The following ZNF107 variants were observed in gnomAD, a reference collection of about 807,000 sequenced individuals.
The protein encoded by ZNF107 is C2H2 type zinc-finger protein.
In ZNF107, 19 loss-of-function variants were observed where a neutral mutation model predicts 12.3. The ratio of observed to expected loss-of-function variants is 1.55; its 90% confidence interval spans 1.08 to 2.27. The LOEUF is 2.27. ZNF107 is among the 30% of genes most tolerant of loss of function. The pLI is 0.00. For synonymous variants in ZNF107, 317 were observed against 330.5 expected, an observed-to-expected ratio of 0.96 and a Z score of 0.44; for missense variants, 958 against 979.9, an observed-to-expected ratio of 0.98 and a Z score of 0.30.
intron 3 of ZNF107, among the ~76,000 whole-genome samples, chr7:64,694,893 A>G (rs1790235440): frequency 6.6e-6 from 1 of 152,180 alleles, no homozygotes; most frequent in Admixed American, 6.5e-5. Context: ...GATAATTAGT[A>G]GGCATTCTAT....
At chr7:64,689,218 C>T (rs567927904) in intron 1 of ZNF107, 1 of 152,286 alleles carries the variant, frequency 6.6e-6, no homozygotes, top group Admixed American at 6.5e-5. Flanking sequence ...AATGCAGAGG[C>T]AGGCTGCTCC....
chr7:64,681,411 CT>C (rs1789667934), intron 1 of ZNF107, among the ~76,000 whole-genome samples: 1 of 152,032 alleles, frequency 6.6e-6, no homozygotes, highest in African/African-American at 2.4e-5. Flanking sequence ...GTCATCCCCA[CT>C]TGTCCAGTCC....
intron 3 of ZNF107, among the ~76,000 whole-genome samples, chr7:64,695,082 T>C (rs1228036570): frequency 2.0e-5 from 3 of 151,884 alleles, no homozygotes; most frequent in Non-Finnish European, 4.4e-5. Context: ...CTTACACATA[T>C]AAATATATAT....
chr7:64,691,223 ATG>A, intron 1 of ZNF107, 23 bp from the exon 2 acceptor site: 18 of 1,443,530 alleles, frequency 1.2e-5, no homozygotes, highest in Admixed American at 4.7e-5. Flanking sequence ...TGCTTGGTAA[ATG>A]TGTGTGTGTT....
intron 1 of ZNF107, among the ~76,000 whole-genome samples, chr7:64,668,777 G>C (rs1562820393): frequency 6.6e-6 from 1 of 151,814 alleles, no homozygotes; most frequent in East Asian, 1.9e-4. Context: ...GTATTCCAAG[G>C]CTTAGTTTTT....
chr7:64,681,871 C>T (rs778380689), intron 1 of ZNF107, among the ~76,000 whole-genome samples: 2 of 152,052 alleles, frequency 1.3e-5, no homozygotes, highest in African/African-American at 2.4e-5. Context: ...TCCAGAATAC[C>T]TCCCACCACT....
chr7:64,697,675 T>A (rs933193817), intron 3 of ZNF107, among the ~76,000 whole-genome samples: 1 of 150,378 alleles, frequency 6.6e-6, no homozygotes, highest in Non-Finnish European at 1.5e-5. Context: ...TATTTTTAAT[T>A]ATTTTAGAAA....
chr7:64,711,281 A>T lies in ZNF107; in HGVS notation c.*2625A>T, dbSNP rs1261299795. 1 of 152,166 alleles carries T rather than the reference A, an allele frequency of 6.6e-6. No individual in the cohort carries two copies. Among genetic ancestry groups the T allele is most frequent in the East Asian group, 1.9e-4 (1 of 5,196 alleles). The allele number at this position is 152,166 out of a possible 1,614,324, so 9.4% of individuals were successfully genotyped here. A position where few individuals can be genotyped will look rare whatever the true frequency, so the allele number is the denominator to read the frequency against. ...CATAGGTTAGATTTTTATTCTTTTT[A>T]AAATTTAAACTTATTTCTCTTAATT... On this transcript the variant is annotated 3_prime_UTR_variant, in exon 4 of 4. Coordinates refer to ENST00000620827, the MANE Select transcript of ZNF107 (RefSeq NM_001282359.2).
intron 1 of ZNF107, among the ~76,000 whole-genome samples, chr7:64,669,531 C>T (rs541125736): frequency 1.9e-3 from 285 of 152,272 alleles, no homozygotes; most frequent in Non-Finnish European, 1.6e-3. Context: ...CAGTGGCTCA[C>T]GCCTGTAATC....
rs1328981412 is a variant in ZNF107, at chr7:64,711,111, A to T, written c.*2455A>T. The T allele has an allele frequency of 6.6e-6, 1 of 152,144 alleles. No individual in the cohort carries two copies. Among genetic ancestry groups the T allele is most frequent in the Non-Finnish European group, 1.5e-5 (1 of 67,992 alleles). The allele number at this position is 152,144 out of a possible 1,614,324, so 9.4% of individuals were successfully genotyped here. ...ATTGTGCATTCAATGAAGTGTTTTC[A>T]TGCCACTGACTTTACCTATCCCACA... is the stretch of plus-strand genomic sequence containing the variant. On this transcript the variant is annotated 3_prime_UTR_variant, in exon 4 of 4. Coordinates refer to ENST00000620827, the MANE Select transcript of ZNF107 (RefSeq NM_001282359.2).
intron 3 of ZNF107, among the ~76,000 whole-genome samples, chr7:64,700,039 C>T (rs1381321446): frequency 8.7e-6 from 1 of 114,344 alleles, no homozygotes; most frequent in Non-Finnish European, 1.6e-5. Context: ...CGCGGCTGGG[C>T]GACAGAGTGA....
rs150818424 is a variant in ZNF107 at position 64,673,837 on chromosome 7, G to C, written c.3+7552G>C. Among the ~76,000 whole-genome samples, 546 of 152,276 alleles carry C rather than the reference G, an allele frequency of 3.6e-3. 6 individuals carry two copies. The highest frequency in any genetic ancestry group is 0.013 in the African/African-American group (528 of 41,556). On this transcript the variant is annotated intron_variant, in intron 1 of 3. Transcript: ENST00000620827. ...ATTTATTAAATACGGAATTCTTCCC[G>C]CATTCCTCATGTCAGCTTTGTGAGA...
At chr7:64,696,406 T>C (rs1181238847) in intron 3 of ZNF107, among the ~76,000 whole-genome samples, 1 of 152,014 alleles carries the variant, frequency 6.6e-6, no homozygotes, top group African/African-American at 2.4e-5. Flanking sequence ...TCCCAGCTCT[T>C]TGGGAGATTG....
At chr7:64,672,215 A>G (rs1054320123) in intron 1 of ZNF107, among the ~76,000 whole-genome samples, 5 of 152,078 alleles carry the variant, frequency 3.3e-5, no homozygotes, top group African/African-American at 4.8e-5. Flanking sequence ...ATTCTGCATT[A>G]GTTTTCTATG....
chr7:64,682,292 A>C (rs1789713772), intron 1 of ZNF107, among the ~76,000 whole-genome samples: 1 of 151,882 alleles, frequency 6.6e-6, no homozygotes, highest in Non-Finnish European at 1.5e-5. Context: ...CGCTGACCGT[A>C]TTCACCTAAT....
At chr7:64,695,682 G>T (rs1156914361) in intron 3 of ZNF107, among the ~76,000 whole-genome samples, 15 of 152,006 alleles carry the variant, frequency 9.9e-5, no homozygotes, top group Non-Finnish European at 2.9e-5. Context: ...TTTGGTTATG[G>T]CTTATCTTGT....
intron 1 of ZNF107, chr7:64,687,309 A>G: frequency 7.1e-6 from 7 of 985,564 alleles, no homozygotes; most frequent in Non-Finnish European, 8.4e-6. Context: ...CATTACAAAT[A>G]AAAAACTGAG....
chr7:64,703,191 G>A (rs755386725), intron 3 of ZNF107, among the ~76,000 whole-genome samples: 25 of 152,096 alleles, frequency 1.6e-4, no homozygotes, highest in Non-Finnish European at 3.1e-4. Context: ...TTTTAATTGT[G>A]TATGACAATA....
chr7:64,680,564 G>T (rs549478711), intron 1 of ZNF107, among the ~76,000 whole-genome samples: 2 of 152,116 alleles, frequency 1.3e-5, no homozygotes, highest in African/African-American at 2.4e-5. Context: ...CTGCGTATAA[G>T]GCTGTCAATT....
Sources: allele counts gnomAD v4.1 joint callset (sites outside exome capture counted in the v4.1 genomes callset), GRCh38; gene constraint gnomAD v4.1.1; transcripts MANE v1.5; gene names NCBI Gene and HGNC (gene_info 2026-07-23, HGNC 2026-07-21).